Variants in IL31 observed in about 807,000 individuals in gnomAD.
IL31 encodes interleukin 31, also known as interleukin-31.
In IL31, 8 loss-of-function variants were observed where a neutral mutation model predicts 7.8. The ratio of observed to expected loss-of-function variants is 1.02; its 90% CI spans 0.60 to 1.84. The LOEUF is 1.84. IL31 is among the 40% of genes most tolerant of loss of function. The probability of loss-of-function intolerance (pLI) is 0.00; values close to 1 mark genes in which losing one functional copy is unlikely to be tolerated. For synonymous variants in IL31, 87 were observed against 86.5 expected (o/e 1.01, Z -0.03); for missense variants, 162 against 205.6 (o/e 0.79, Z 1.30).
At chr12:122,173,576 C>G (rs916077238) in intron 2 of IL31, among the ~76,000 whole-genome samples, 2 of 151,666 alleles carry the variant, frequency 1.3e-5, no homozygotes, top group African/African-American at 4.9e-5. Context: ...CCCAGCTACT[C>G]GGGAGGCTGA....
chr12:122,173,614 G>A (rs1038292665), intron 2 of IL31, among the ~76,000 whole-genome samples: 18 of 151,736 alleles, frequency 1.2e-4, no homozygotes, highest in African/African-American at 3.6e-4. Flanking sequence ...AACCCAGGAA[G>A]CAGAGGTTGC....
Position 122,174,180 on chromosome 12 carries a change from G to A in IL31, c.-8C>T, listed in dbSNP as rs1953516879. 6.2e-7 allele frequency: 1 copy of A among 1,614,150 alleles called. No homozygotes were observed. Among genetic ancestry groups the A allele is most frequent in the South Asian group, 1.1e-5 (1 of 91,078 alleles). ...ACCTGAGTGAGAGGCCATGGCGAGA[G>A]AGAGCAAGGCCAGCTTCAGTGGGGG... On this transcript the variant is annotated 5_prime_UTR_variant, in exon 1 of 3. Coordinates refer to ENST00000377035, the MANE Select transcript of IL31 (RefSeq NM_001014336.2).
intron 1 of IL31, 63 bp from the exon 2 acceptor site, chr12:122,174,055 C>T (rs887586398): frequency 1.9e-6 from 3 of 1,612,742 alleles, no homozygotes; most frequent in South Asian, 1.1e-5. Context: ...TGGCTCCATC[C>T]CTGCAGCCCT....
chr12:122,173,791 A>G (rs999230629), intron 2 of IL31, 53 bp downstream of exon 2: 49 of 1,540,054 alleles, frequency 3.2e-5, no homozygotes, highest in Non-Finnish European at 4.3e-5. Flanking sequence ...TTGGAGGGCA[A>G]TGGAAGGCAT....
chr12:122,173,995 G>A lies in IL31; in HGVS notation c.17-3C>T. On this transcript the variant is annotated splice_polypyrimidine_tract_variant and splice_region_variant and intron_variant, in intron 1 of 2. Coordinates refer to ENST00000377035, the MANE Select transcript of IL31 (RefSeq NM_001014336.2). ...AAAGAGCACAGACGTCGAGGGGCCT[G>A]GAGAGAGAACGATGCCGTGAGCGCA... 1.2e-6 allele frequency: 2 copies of A among 1,614,072 alleles called. No individual in the cohort carries two copies. Among genetic ancestry groups the A allele is most frequent in the East Asian group, 4.5e-5 (2 of 44,880 alleles).
Position 122,172,620 on chromosome 12 carries a change from C to T in IL31, c.287G>A (p.Arg96Lys). Residue 96 changes from arginine to lysine, a missense_variant, in exon 3 of 3, where the codon AGA (arginine) becomes AAA (lysine). Physicochemically the swap from Arg to Lys is conservative, Grantham distance 26. Coordinates refer to ENST00000377035, the MANE Select transcript of IL31 (RefSeq NM_001014336.2). ...PAIRAYLKTI[R>K]QLDNKSVIDE... ...AATAACAGATTTGTTGTCTAGCTGTCTGATTGTCTTGAGATATGCCCGGAT... is the reference window on the plus strand; with the variant it reads ...AATAACAGATTTGTTGTCTAGCTGTTTGATTGTCTTGAGATATGCCCGGAT... 1 of 1,614,104 alleles carries T rather than the reference C, an allele frequency of 6.2e-7. No homozygotes were observed. The highest frequency in any genetic ancestry group is 1.7e-5 in the Admixed American group (1 of 60,004).
chr12:122,172,720 G>T lies in IL31; in HGVS notation c.187C>A (p.Leu63Ile), dbSNP rs971666320. 5.0e-6 allele frequency: 8 copies of T among 1,612,056 alleles called. No individual in the cohort carries two copies. In the African/African-American group the frequency reaches 1.1e-4, roughly 22 times the overall value. ...LKDVEEEKGV[L>I]VSQNYTLPCL... ...GGCAGCGTGTAATTCTGGGACACGA[G>T]CACGCCCTTCTCTTCCTCCACCTGT... The change falls in exon 3 of 3, where the codon CTC (leucine) becomes ATC (isoleucine). Residue 63 changes from leucine to isoleucine, a missense_variant. Physicochemically the swap from Leu to Ile is conservative, Grantham distance 5. Transcript: ENST00000377035.
intron 2 of IL31, among the ~76,000 whole-genome samples, chr12:122,173,404 C>G (rs1302312526): frequency 6.6e-6 from 1 of 152,236 alleles, no homozygotes; most frequent in Non-Finnish European, 1.5e-5. Context: ...GCTATCTTGG[C>G]TGGGCACAGT....
Position 122,172,363 on chromosome 12 carries a change from CT to C in IL31, c.*48del. The C allele has an allele frequency of 7.3e-7, 1 of 1,372,208 alleles. No individual in the cohort carries two copies. The highest frequency in any genetic ancestry group is 1.0e-6 in the Non-Finnish European group (1 of 986,224). The allele number at this position is 1,372,208 out of a possible 1,614,324, so 85.0% of individuals were successfully genotyped here. On this transcript the variant is annotated 3_prime_UTR_variant, in exon 3 of 3. Transcript: ENST00000377035. ...GTTCCCACACTTAGCTGTCGGTCAT[CT>C]TTTTAAGGCTCCTTAAGTTCCTGCC...
chr12:122,172,090 G>A lies in IL31; in HGVS notation c.*322C>T, dbSNP rs556163717. On this transcript the variant is annotated 3_prime_UTR_variant, in exon 3 of 3. Coordinates refer to ENST00000377035, the MANE Select transcript of IL31 (RefSeq NM_001014336.2). Reference sequence around the variant, plus strand: ...TCCGAGGGCTCCCCCAGGGAGCATTGACAACTCTTAGTACAATAAATATCA... The same window carrying A: ...TCCGAGGGCTCCCCCAGGGAGCATTAACAACTCTTAGTACAATAAATATCA... 15 of 201,596 alleles carry A rather than the reference G, an allele frequency of 7.4e-5. No homozygotes were observed. The highest frequency in any genetic ancestry group is 2.8e-4 in the African/African-American group (12 of 42,652). 12.5% of individuals were successfully genotyped at this position (201,596 alleles called of 1,614,324 possible). A position where few individuals can be genotyped will look rare whatever the true frequency, so the allele number is the denominator to read the frequency against.
chr12:122,173,974 AG>A lies in IL31; in HGVS notation c.34del (p.Leu12SerfsTer30). 1 of 1,614,120 alleles carries A rather than the reference AG, an allele frequency of 6.2e-7. No homozygotes were observed. The highest frequency in any genetic ancestry group is 8.5e-7 in the Non-Finnish European group (1 of 1,180,024). The part of the protein sequence containing the change: ...ASHSGPSTSV[L>X]FLFCCLGGWL... Reference sequence around the variant, plus strand: ...GCCTCCCAGGCAGCAGAACAGAAAGAGCACAGACGTCGAGGGGCCTGGAGAG... The same window carrying A: ...GCCTCCCAGGCAGCAGAACAGAAAGACACAGACGTCGAGGGGCCTGGAGAG... On this transcript the variant is annotated frameshift_variant, in exon 2 of 3. Transcript: ENST00000377035. LOFTEE classifies it high-confidence loss of function.
Position 122,172,233 on chromosome 12 carries a change from T to C in IL31, c.*179A>G. The C allele has an allele frequency of 7.0e-6, 4 of 572,918 alleles. No homozygotes were observed. In the South Asian group the frequency reaches 8.6e-5, roughly 12 times the overall value. The allele number at this position is 572,918 out of a possible 1,614,324, so 35.5% of individuals were successfully genotyped here. ...ACTAATAACAATAACCTAATGTTTT[T>C]CAAGGTAATTCACAAATTCACATCT... On this transcript the variant is annotated 3_prime_UTR_variant, in exon 3 of 3. Transcript: ENST00000377035.
chr12:122,174,156 C>A lies in IL31; in HGVS notation c.16+1G>T, dbSNP rs375457465. 8 of 1,614,142 alleles carry A rather than the reference C, an allele frequency of 5.0e-6. No homozygotes were observed. The highest frequency in any genetic ancestry group is 3.3e-5 in the Admixed American group (2 of 59,998). On this transcript the variant is annotated splice_donor_variant, in intron 1 of 2. Coordinates refer to ENST00000377035, the MANE Select transcript of IL31 (RefSeq NM_001014336.2). LOFTEE classifies it high-confidence loss of function. ...TCCGGAAGCACCAGGACCAGTGATA[C>A]CTGAGTGAGAGGCCATGGCGAGAGA... is the stretch of plus-strand genomic sequence containing the variant.
intron 2 of IL31, among the ~76,000 whole-genome samples, chr12:122,173,307 T>C (rs1425667986): frequency 6.6e-6 from 1 of 152,232 alleles, no homozygotes; most frequent in Non-Finnish European, 1.5e-5. Flanking sequence ...AAGCCAAGGC[T>C]AAGGTCTAAA....
rs1484050543 is a variant in IL31 at position 122,172,078 on chromosome 12, C to T, written c.*334G>A. On this transcript the variant is annotated 3_prime_UTR_variant, in exon 3 of 3. Coordinates refer to ENST00000377035, the MANE Select transcript of IL31 (RefSeq NM_001014336.2). ...TATTAAATAGATTCCGAGGGCTCCC[C>T]CAGGGAGCATTGACAACTCTTAGTA... 2 of 193,186 alleles carry T rather than the reference C, an allele frequency of 1.0e-5. No homozygotes were observed. The highest frequency in any genetic ancestry group is 2.1e-5 in the Non-Finnish European group (2 of 94,058). 12.0% of individuals were successfully genotyped at this position (193,186 alleles called of 1,614,324 possible).
rs1953496779 is a variant in IL31 at position 122,172,656 on chromosome 12, T to C, written c.251A>G (p.His84Arg). Residue 84 changes from histidine (H) to arginine (R), a missense_variant, in exon 3 of 3, where the codon CAC (histidine) becomes CGC (arginine). Physicochemically the swap from His to Arg is conservative, Grantham distance 29. Coordinates refer to ENST00000377035, the MANE Select transcript of IL31 (RefSeq NM_001014336.2). ...SPDAQPPNNI[H>R]SPAIRAYLKT... Reference sequence around the variant, plus strand: ...GAGATATGCCCGGATGGCTGGGCTGTGGATGTTGTTTGGCGGCTGGGCGTC... The same window carrying C: ...GAGATATGCCCGGATGGCTGGGCTGCGGATGTTGTTTGGCGGCTGGGCGTC... 1 of 1,614,040 alleles carries C rather than the reference T, an allele frequency of 6.2e-7. No individual in the cohort carries two copies. The highest frequency in any genetic ancestry group is 8.5e-7 in the Non-Finnish European group (1 of 1,180,040).
In IL31 at chr12:122,172,353, T is replaced by G. The variant is rs1360906023; in HGVS notation, c.*59A>C. On this transcript the variant is annotated 3_prime_UTR_variant, in exon 3 of 3. Coordinates refer to ENST00000377035, the MANE Select transcript of IL31 (RefSeq NM_001014336.2). ...TCACGGCAGAGTTCCCACACTTAGC[T>G]GTCGGTCATCTTTTTAAGGCTCCTT... 2 of 1,220,696 alleles carry G rather than the reference T, an allele frequency of 1.6e-6. No homozygotes were observed. The allele number at this position is 1,220,696 out of a possible 1,614,324, so 75.6% of individuals were successfully genotyped here.
At position 122,173,450 on chromosome 12, in the gene IL31, A is replaced by G. The variant is rs370155397; in HGVS notation, c.165+394T>C. ...TGTAATCCCAGCACTTTGGGAGGCC[A>G]AGGCAGGCGGATCACTTGAGGTCAG... On this transcript the variant is annotated intron_variant, in intron 2 of 2. Coordinates refer to ENST00000377035, the MANE Select transcript of IL31 (RefSeq NM_001014336.2). 2.8e-4 allele frequency among the ~76,000 whole-genome samples: 42 copies of G among 152,294 alleles called. No homozygotes were observed. The East Asian group carries it at 7.5e-3, about 27-fold the overall frequency.
intron 2 of IL31, among the ~76,000 whole-genome samples, chr12:122,173,459 G>A (rs1248760500): frequency 2.6e-5 from 4 of 152,274 alleles, no homozygotes; most frequent in South Asian, 2.1e-4. Flanking sequence ...CAAGGCAGGC[G>A]GATCACTTGA....
Sources: allele counts gnomAD v4.1 joint callset (sites outside exome capture counted in the v4.1 genomes callset), GRCh38; gene constraint gnomAD v4.1.1; transcripts MANE v1.5; gene names NCBI Gene and HGNC (gene_info 2026-07-23, HGNC 2026-07-21).